MSR1: variants seen among roughly 807,000 people sequenced by gnomAD.
The protein encoded by MSR1 is macrophage scavenger receptor types I and II.
MSR1 carries 53 observed loss-of-function variants against 47.2 expected under a neutral mutation model. The ratio of observed to expected loss-of-function variants is 1.12; its 90% CI spans 0.90 to 1.41. MSR1 has a LOEUF of 1.41. Among genes scored for constraint, MSR1 ranks in the 40% most tolerant of loss-of-function variants. MSR1 has a pLI of 0.00. For missense variants in MSR1, 786 were observed against 546.9 expected, an observed-to-expected ratio of 1.44 and a Z score of -4.36; for synonymous variants, 239 against 185.6, an observed-to-expected ratio of 1.29 and a Z score of -2.34.
At chr8:16,160,129 C>A (rs1268749197) in intron 5 of MSR1, among the ~76,000 whole-genome samples, 1 of 151,972 alleles carries the variant, frequency 6.6e-6, no homozygotes, top group Non-Finnish European at 1.5e-5. Context: ...AGTCTTTATG[C>A]AATCTAAGAC....
At chr8:16,169,576 A>G (rs1290675824) in intron 3 of MSR1, among the ~76,000 whole-genome samples, 2 of 152,170 alleles carry the variant, frequency 1.3e-5, no homozygotes, top group Non-Finnish European at 2.9e-5. Context: ...AAAACAATTT[A>G]CCATGAATCT....
chr8:16,130,542 G>A (rs79672760), intron 8 of MSR1, among the ~76,000 whole-genome samples: 2,731 of 152,120 alleles, frequency 0.018, 80 homozygotes, highest in African/African-American at 0.062. Flanking sequence ...TAGGTAAATT[G>A]CGTGTCGTGG....
At chr8:16,111,983 G>C (rs753148225) in intron 9 of MSR1, among the ~76,000 whole-genome samples, 1 of 152,210 alleles carries the variant, frequency 6.6e-6, no homozygotes, top group East Asian at 1.9e-4. Context: ...GCCTACACGA[G>C]TGAACAAGAC....
intron 2 of MSR1, among the ~76,000 whole-genome samples, chr8:16,177,518 C>G (rs549654309): frequency 6.6e-6 from 1 of 151,704 alleles, no homozygotes; most frequent in Non-Finnish European, 1.5e-5. Flanking sequence ...GAACTGTGAG[C>G]GAATACATTT....
At chr8:16,185,106 G>C (rs1439077616) in intron 1 of MSR1, among the ~76,000 whole-genome samples, 1 of 151,728 alleles carries the variant, frequency 6.6e-6, no homozygotes, top group East Asian at 1.9e-4. Context: ...ATGTTCAAAA[G>C]GGATTGGTTT....
At chr8:16,162,769 G>T (rs1801197364) in intron 5 of MSR1, among the ~76,000 whole-genome samples, 1 of 151,886 alleles carries the variant, frequency 6.6e-6, no homozygotes, top group African/African-American at 2.4e-5. Context: ...CTGGTGACAA[G>T]TTTCTTGCAG....
intron 8 of MSR1, among the ~76,000 whole-genome samples, chr8:16,130,806 G>A (rs1303026605): frequency 1.3e-5 from 2 of 151,910 alleles, no homozygotes; most frequent in East Asian, 1.9e-4. Flanking sequence ...TTCAAAGAAC[G>A]TGACTCATTC....
At chr8:16,121,371 T>C (rs943045338) in intron 8 of MSR1, among the ~76,000 whole-genome samples, 8 of 152,116 alleles carry the variant, frequency 5.3e-5, no homozygotes, top group Non-Finnish European at 1.0e-4. Context: ...AATAAACTTT[T>C]GTAAAATCTT....
chr8:16,110,004 A>G lies in MSR1; in HGVS notation c.*81T>C, dbSNP rs1799720766. The G allele has an allele frequency of 2.6e-6, 4 of 1,545,862 alleles. No individual in the cohort carries two copies. The African/African-American group carries it at 4.1e-5, about 16-fold the overall frequency. ...AATATTCTTAATCTCTTAAATATTG[A>G]TTAAATGGATTTTACAGGAACAAGG... On this transcript the variant is annotated 3_prime_UTR_variant, in exon 10 of 10. Coordinates refer to ENST00000262101, the MANE Select transcript of MSR1 (RefSeq NM_138715.3).
intron 4 of MSR1, among the ~76,000 whole-genome samples, chr8:16,167,185 A>C (rs183851508): frequency 2.6e-5 from 4 of 152,234 alleles, no homozygotes; most frequent in Middle Eastern, 3.4e-3. Flanking sequence ...AACAGGTTCA[A>C]AATTTCTACC....
chr8:16,172,481 G>C (rs1801513880), intron 3 of MSR1, among the ~76,000 whole-genome samples: 1 of 152,010 alleles, frequency 6.6e-6, no homozygotes. Context: ...ATTTTTATTG[G>C]AGAGATGGCA....
chr8:16,187,171 T>C (rs1270111703), intron 1 of MSR1, among the ~76,000 whole-genome samples: 1 of 151,556 alleles, frequency 6.6e-6, no homozygotes, highest in Non-Finnish European at 1.5e-5. Context: ...GAGACCATCC[T>C]GGCCCAATGA....
At chr8:16,129,083 CA>C (rs1372815170) in intron 8 of MSR1, among the ~76,000 whole-genome samples, 1 of 151,988 alleles carries the variant, frequency 6.6e-6, no homozygotes, top group Non-Finnish European at 1.5e-5. Flanking sequence ...TGCTGTAAAT[CA>C]TATGAAGTTT....
At chr8:16,188,996 A>ATC (rs568485018) in intron 1 of MSR1, among the ~76,000 whole-genome samples, 1 of 145,096 alleles carries the variant, frequency 6.9e-6, no homozygotes, top group Non-Finnish European at 1.5e-5. Flanking sequence ...ATATATATAT[A>ATC]TAAAACAACA....
At chr8:16,136,607 T>C (rs899794181) in intron 8 of MSR1, among the ~76,000 whole-genome samples, 2 of 152,100 alleles carry the variant, frequency 1.3e-5, no homozygotes, top group Non-Finnish European at 2.9e-5. Flanking sequence ...GTTAATGGAA[T>C]GCTGCATTTT....
chr8:16,110,235 T>A lies in MSR1; in HGVS notation c.1223-17A>T, dbSNP rs775042850. On this transcript the variant is annotated splice_polypyrimidine_tract_variant and intron_variant, in intron 9 of 9. Transcript: ENST00000262101. ...GACCAGTACCTGCAATAATGAGGTATAACTGCATTAGTAAGTTTAGAGTTT... is the reference window on the plus strand; with the variant it reads ...GACCAGTACCTGCAATAATGAGGTAAAACTGCATTAGTAAGTTTAGAGTTT... The A allele has an allele frequency of 5.2e-5, 84 of 1,612,458 alleles. No homozygotes were observed. The highest frequency in any genetic ancestry group is 5.8e-5 in the Non-Finnish European group (68 of 1,178,964).
intron 5 of MSR1, among the ~76,000 whole-genome samples, chr8:16,157,838 G>C (rs1801053497): frequency 6.6e-6 from 1 of 151,780 alleles, no homozygotes; most frequent in Non-Finnish European, 1.5e-5. Flanking sequence ...TGTTTTATCT[G>C]TTTCACCTCC....
In MSR1 at chr8:16,113,982, G is replaced by GA. The variant is rs562022882; in HGVS notation, c.1223-3765dup. Among the ~76,000 whole-genome samples, 109 of 136,102 alleles carry GA rather than the reference G, an allele frequency of 8.0e-4. No homozygotes were observed. The East Asian group carries it at 0.016, about 20-fold the overall frequency. 89.3% of individuals were successfully genotyped at this position (136,102 alleles called of 152,430 possible). On this transcript the variant is annotated intron_variant, in intron 9 of 9. Transcript: ENST00000262101. ...TGCTAGCCCTACTTATTTTCTCTAT[G>GA]AAAAAAATATGCTATTTTTCTGTGA...
chr8:16,134,194 G>T (rs936843419), intron 8 of MSR1, among the ~76,000 whole-genome samples: 3 of 152,050 alleles, frequency 2.0e-5, no homozygotes, highest in African/African-American at 7.2e-5. Context: ...GTGTGTTCTT[G>T]GTTCCATTTT....
Sources: gnomAD v4.1 joint callset for allele counts (sites outside exome capture counted in the v4.1 genomes callset) on GRCh38, gnomAD v4.1.1 for gene constraint, MANE v1.5 for transcripts, NCBI Gene and HGNC (gene_info 2026-07-23, HGNC 2026-07-21) for gene names.